CTNNB1: variants seen among roughly 807,000 people sequenced by gnomAD.
The protein encoded by CTNNB1 is catenin beta-1.
In CTNNB1, 6 loss-of-function variants were observed where a neutral mutation model predicts 82.5. The observed-to-expected ratio is 0.07, with a 90% CI of 0.04 to 0.14. The LOEUF (loss-of-function observed/expected upper bound fraction) is 0.14. Ranked by LOEUF, CTNNB1 falls within the 10% of genes least tolerant of loss-of-function variation. CTNNB1 has a pLI of 1.00. For synonymous variants in CTNNB1, 312 were observed against 329.7 expected (o/e 0.95, Z 0.58); for missense variants, 529 against 980.4 (o/e 0.54, Z 6.15).
In CTNNB1 at chr3:41,207,672, T is replaced by C. The variant is rs1575286919; in HGVS notation, c.-49+8002T>C. Among the ~76,000 whole-genome samples, 3 of 151,774 alleles carry C rather than the reference T, an allele frequency of 2.0e-5. No homozygotes were observed. The South Asian group carries it at 6.2e-4, about 31-fold the overall frequency. On this transcript the variant is annotated intron_variant, in intron 1 of 14. Transcript: ENST00000349496. ...ATCCCCCAGACTCTAATCCTGTTGC[T>C]TTTTTTGGTCCCCATCTCCCACCTT...
rs768489723 is a variant in CTNNB1, at chr3:41,240,403, G to A, written c.*1061G>A. 2.4e-4 allele frequency: 43 copies of A among 181,932 alleles called. No individual in the cohort carries two copies. Among genetic ancestry groups the A allele is most frequent in the Non-Finnish European group, 4.3e-4 (37 of 85,168 alleles). 11.3% of individuals were successfully genotyped at this position (181,932 alleles called of 1,614,324 possible). ...GATACGATGCTTCAAGAGAAAATGC[G>A]GTTATAAAAAATGGTTCAGAATTAA... On this transcript the variant is annotated 3_prime_UTR_variant, in exon 15 of 15. Coordinates refer to ENST00000349496, the MANE Select transcript of CTNNB1 (RefSeq NM_001904.4).
intron 1 of CTNNB1, 98 bp from the exon 2 acceptor site, chr3:41,223,923 G>T (rs1575314121): frequency 7.0e-6 from 6 of 860,084 alleles, no homozygotes; most frequent in Admixed American, 2.1e-5. Context: ...GGTTTTTTTT[G>T]TGGGTGTAAT....
In CTNNB1 at chr3:41,233,943, A is replaced by C. The variant is rs766698957; in HGVS notation, c.1524+76A>C. The C allele has an allele frequency of 5.6e-5, 84 of 1,497,490 alleles. No homozygotes were observed. The African/African-American group carries it at 1.0e-3, about 19-fold the overall frequency. 92.8% of individuals were successfully genotyped at this position (1,497,490 alleles called of 1,614,324 possible). A position where few individuals can be genotyped will look rare whatever the true frequency, so the allele number is the denominator to read the frequency against. ...ATCTCTAGCTGTTGGATGGCTGTCTAAGCATAGTGATCAATAAGTAGGAAT... is the reference window on the plus strand; with the variant it reads ...ATCTCTAGCTGTTGGATGGCTGTCTCAGCATAGTGATCAATAAGTAGGAAT... On this transcript the variant is annotated intron_variant, in intron 9 of 14. Transcript: ENST00000349496.
chr3:41,230,833 C>T (rs2125633763), intron 7 of CTNNB1, among the ~76,000 whole-genome samples: 1 of 152,244 alleles, frequency 6.6e-6, no homozygotes, highest in African/African-American at 2.4e-5. Flanking sequence ...TTTTGGCTTC[C>T]CTGGGCCACA....
intron 7 of CTNNB1, among the ~76,000 whole-genome samples, chr3:41,231,270 T>C (rs543545545): frequency 8.0e-5 from 12 of 149,718 alleles, no homozygotes; most frequent in African/African-American, 3.0e-4. Context: ...GAGCTTGCAG[T>C]GAGCTGAGAT....
At chr3:41,237,683 G>GGTA (rs1575336478) in intron 13 of CTNNB1, 1 of 230,126 alleles carries the variant, frequency 4.3e-6, no homozygotes, top group East Asian at 1.0e-4. Flanking sequence ...CCTGTTTGTG[G>GGTA]GTAGGCATTT....
At chr3:41,213,332 A>G (rs941431750) in intron 1 of CTNNB1, among the ~76,000 whole-genome samples, 9 of 152,176 alleles carry the variant, frequency 5.9e-5, no homozygotes, top group African/African-American at 1.7e-4. Context: ...CTCAGCTTAC[A>G]TGTTACCTTC....
intron 1 of CTNNB1, among the ~76,000 whole-genome samples, chr3:41,204,217 A>G (rs2077596342): frequency 6.6e-6 from 1 of 152,086 alleles, no homozygotes; most frequent in Non-Finnish European, 1.5e-5. Flanking sequence ...GTTGGTGCTT[A>G]GTATTTACAG....
intron 13 of CTNNB1, chr3:41,237,762 A>G: frequency 2.1e-6 from 1 of 482,874 alleles, no homozygotes; most frequent in Non-Finnish European, 3.7e-6. Context: ...CTGGCAGCAC[A>G]TAATAGGTGC....
chr3:41,221,517 A>T (rs1033309436), intron 1 of CTNNB1: 2 of 151,804 alleles, frequency 1.3e-5, no homozygotes, highest in African/African-American at 2.4e-5. Flanking sequence ...AATTTTTAAC[A>T]TTTTTTTGTA....
intron 1 of CTNNB1, 21 bp from the exon 2 acceptor site, chr3:41,223,999 AC>A: frequency 6.7e-7 from 1 of 1,501,716 alleles, no homozygotes; most frequent in Non-Finnish European, 9.3e-7. Flanking sequence ...AATCCTAATG[AC>A]TTTTGATTAA....
intron 1 of CTNNB1, among the ~76,000 whole-genome samples, chr3:41,201,762 G>A (rs2077535766): frequency 6.6e-6 from 1 of 152,024 alleles, no homozygotes; most frequent in South Asian, 2.1e-4. Context: ...AGGTTTCAGA[G>A]TATGGAAGAG....
rs968099699 is a variant in CTNNB1, at chr3:41,224,011, C to CT, written c.-48-3dup. 9 of 1,586,636 alleles carry CT rather than the reference C, an allele frequency of 5.7e-6. No homozygotes were observed. Among genetic ancestry groups the CT allele is most frequent in the Non-Finnish European group, 7.8e-6 (9 of 1,155,384 alleles). On this transcript the variant is annotated splice_polypyrimidine_tract_variant and intron_variant, in intron 1 of 14. Coordinates refer to ENST00000349496, the MANE Select transcript of CTNNB1 (RefSeq NM_001904.4). The stretch of plus-strand genomic sequence containing the variant: ...TTAAATCCTAATGACTTTTGATTAA[C>CT]TTTTTTTAGGGTATTTGAAGTATAC...
rs2078378320 is a variant in CTNNB1, at chr3:41,234,213, T to C, written c.1599T>C (p.Ile533=). The stretch of plus-strand genomic sequence containing the variant: ...CACCTTTGCGTGAGCAGGGTGCCAT[T>C]CCACGACTAGTTCAGTTGCTTGTTC... The part of the protein sequence containing the change: ...NHAPLREQGA[I]PRLVQLLVRA... The change falls in exon 10 of 15, where the codon ATT becomes ATC. Residue 533 remains isoleucine, a synonymous_variant. Coordinates refer to ENST00000349496, the MANE Select transcript of CTNNB1 (RefSeq NM_001904.4). The C allele has an allele frequency of 6.2e-7, 1 of 1,614,242 alleles. No homozygotes were observed. The highest frequency in any genetic ancestry group is 1.3e-5 in the African/African-American group (1 of 75,070).
In CTNNB1 at chr3:41,239,365, T is replaced by A. The variant is rs558310764; in HGVS notation, c.*23T>A. ...TAAATCATCCTTTAGGTAAGAAGTT[T>A]TAAAAAGCCAGTTTGGGTAAAATAC... On this transcript the variant is annotated 3_prime_UTR_variant, in exon 15 of 15. Transcript: ENST00000349496. The A allele has an allele frequency of 6.2e-7, 1 of 1,605,834 alleles. No individual in the cohort carries two copies. Among genetic ancestry groups the A allele is most frequent in the Non-Finnish European group, 8.5e-7 (1 of 1,174,346 alleles).
intron 1 of CTNNB1, among the ~76,000 whole-genome samples, chr3:41,215,355 C>T (rs557977811): frequency 6.4e-5 from 9 of 140,782 alleles, no homozygotes; most frequent in Non-Finnish European, 1.1e-4. Context: ...TGCACTCCAG[C>T]CTGGGCAACA....
rs1238138657 is a variant in CTNNB1, at chr3:41,239,602, C to G, written c.*260C>G. On this transcript the variant is annotated 3_prime_UTR_variant, in exon 15 of 15. Coordinates refer to ENST00000349496, the MANE Select transcript of CTNNB1 (RefSeq NM_001904.4). Reference sequence around the variant, plus strand: ...GCCACAGCTTTTGCAACTTAATACTCAAATGAGTAACATTTGCTGTTTTAA... The same window carrying G: ...GCCACAGCTTTTGCAACTTAATACTGAAATGAGTAACATTTGCTGTTTTAA... 9.4e-6 allele frequency: 5 copies of G among 530,004 alleles called. No individual in the cohort carries two copies. In the African/African-American group the frequency reaches 9.5e-5, roughly 10 times the overall value. 32.8% of individuals were successfully genotyped at this position (530,004 alleles called of 1,614,324 possible).
At chr3:41,229,876 C>G (rs201599095) in intron 7 of CTNNB1, among the ~76,000 whole-genome samples, 2 of 147,130 alleles carry the variant, frequency 1.4e-5, no homozygotes, top group South Asian at 2.2e-4. Context: ...CTCTTGGGTT[C>G]TGTGTGTGTG....
At chr3:41,208,813 A>C (rs2077709946) in intron 1 of CTNNB1, among the ~76,000 whole-genome samples, 1 of 152,126 alleles carries the variant, frequency 6.6e-6, no homozygotes, top group South Asian at 2.1e-4. Flanking sequence ...TTACTGTGGT[A>C]TCTCTCTTTT....
Sources: allele counts gnomAD v4.1 joint callset (sites outside exome capture counted in the v4.1 genomes callset), GRCh38; gene constraint gnomAD v4.1.1; transcripts MANE v1.5; gene names NCBI Gene and HGNC (gene_info 2026-07-23, HGNC 2026-07-21).